The following WDR35 variants were observed in gnomAD, a reference collection of about 807,000 sequenced individuals.
WDR35 encodes WD repeat-containing protein 35.
A neutral mutation model predicts 158.3 loss-of-function variants in WDR35; 118 were observed. The ratio of observed to expected loss-of-function variants is 0.75; its 90% confidence interval spans 0.64 to 0.87. The LOEUF (loss-of-function observed/expected upper bound fraction) is 0.87. Among genes scored for constraint, WDR35 ranks in the 40% least tolerant of loss-of-function variants. WDR35 has a pLI of 0.00. For missense variants in WDR35, 1,263 were observed against 1,405.8 expected, an observed-to-expected ratio of 0.90 and a Z score of 1.62; for synonymous variants, 448 against 476.1, an observed-to-expected ratio of 0.94 and a Z score of 0.77.
In WDR35 at chr2:19,990,075, C is replaced by A; in HGVS notation, c.-60G>T. Reference sequence around the variant, plus strand: ...AGGCCCTCGACAAGTAACGGTTCTACGTCTCCAATCGGGAGTACCAGCAGC... The same window carrying A: ...AGGCCCTCGACAAGTAACGGTTCTAAGTCTCCAATCGGGAGTACCAGCAGC... On this transcript the variant is annotated 5_prime_UTR_variant, in exon 1 of 27. Transcript: ENST00000281405. The A allele has an allele frequency of 1.2e-6, 2 of 1,601,954 alleles. No individual in the cohort carries two copies. The highest frequency in any genetic ancestry group is 1.7e-6 in the Non-Finnish European group (2 of 1,173,758).
chr2:19,964,915 T>C (rs1241446673), intron 10 of WDR35, among the ~76,000 whole-genome samples: 1 of 152,074 alleles, frequency 6.6e-6, no homozygotes, highest in Non-Finnish European at 1.5e-5. Context: ...GTAATATTAA[T>C]GGTTCTTTCA....
At chr2:19,966,030 C>T (rs1471237690) in intron 10 of WDR35, among the ~76,000 whole-genome samples, 1 of 152,152 alleles carries the variant, frequency 6.6e-6, no homozygotes, top group Non-Finnish European at 1.5e-5. Flanking sequence ...TTTCTGGTCC[C>T]TATGGGCTTA....
At chr2:19,988,658 G>A (rs979760528) in intron 2 of WDR35, among the ~76,000 whole-genome samples, 1 of 152,178 alleles carries the variant, frequency 6.6e-6, no homozygotes, top group Non-Finnish European at 1.5e-5. Flanking sequence ...GTGGGAAGCT[G>A]TTTGCTGTGA....
At chr2:19,924,425 G>A (rs185503410) in intron 25 of WDR35, among the ~76,000 whole-genome samples, 12 of 152,250 alleles carry the variant, frequency 7.9e-5, no homozygotes, top group East Asian at 1.9e-4. Flanking sequence ...TTCGCCGGGT[G>A]TGGTGGCGGG....
At chr2:19,970,144 G>A (rs1186478396) in intron 8 of WDR35, among the ~76,000 whole-genome samples, 1 of 152,084 alleles carries the variant, frequency 6.6e-6, no homozygotes, top group Non-Finnish European at 1.5e-5. Flanking sequence ...AATCTAAAAT[G>A]CCATAGACTG....
chr2:19,930,727 T>A (rs757671688), intron 24 of WDR35, among the ~76,000 whole-genome samples, 175 bp from the exon 25 acceptor site: 4 of 152,176 alleles, frequency 2.6e-5, no homozygotes, highest in African/African-American at 7.2e-5. Context: ...CAAGCTGGAA[T>A]GCAGCTGCGT....
chr2:19,926,744 AAC>A (rs1288959592), intron 25 of WDR35, among the ~76,000 whole-genome samples: 2 of 152,252 alleles, frequency 1.3e-5, no homozygotes, highest in African/African-American at 2.4e-5. Flanking sequence ...GAGATCTGAT[AAC>A]AAAAAGTTGG....
At chr2:19,987,889 C>CATAT (rs199984409) in intron 2 of WDR35, among the ~76,000 whole-genome samples, 4 of 146,486 alleles carry the variant, frequency 2.7e-5, no homozygotes, top group African/African-American at 1.0e-4. Context: ...TACAGACACA[C>CATAT]ATATATATAT....
chr2:19,922,587 G>C (rs2103387587), intron 25 of WDR35, among the ~76,000 whole-genome samples: 1 of 152,042 alleles, frequency 6.6e-6, no homozygotes, highest in East Asian at 1.9e-4. Flanking sequence ...GGCTGGGGGA[G>C]GGATAGCATA....
In WDR35 at chr2:19,913,585, G is replaced by C. The variant is rs769945654; in HGVS notation, c.3486C>G (p.Cys1162Trp). The change falls in exon 27 of 27, where the codon TGC becomes TGG. Residue 1162 changes from cysteine (C) to tryptophan (W), a missense_variant. Transcript: ENST00000281405. ...ATCCCACTGGACTATGGCATAAGGGGCAGAAGCTGTAGTGGCTTATTTCCT... is the reference window on the plus strand; with the variant it reads ...ATCCCACTGGACTATGGCATAAGGGCCAGAAGCTGTAGTGGCTTATTTCCT... ...LAQEISHYSF[C>W]PLCHSPVG is the part of the protein sequence containing the mutation. 1 of 1,614,008 alleles carries C rather than the reference G, an allele frequency of 6.2e-7. No individual in the cohort carries two copies. The highest frequency in any genetic ancestry group is 8.5e-7 in the Non-Finnish European group (1 of 1,179,960).
chr2:19,982,562 G>A, intron 2 of WDR35, 28 bp from the exon 3 acceptor site: 1 of 1,605,882 alleles, frequency 6.2e-7, no homozygotes, highest in South Asian at 1.1e-5. Context: ...AAACTACTAT[G>A]ATAAATATGT....
At chr2:19,925,883 A>G (rs982718022) in intron 25 of WDR35, among the ~76,000 whole-genome samples, 2 of 152,246 alleles carry the variant, frequency 1.3e-5, no homozygotes, top group African/African-American at 4.8e-5. Context: ...AAAGATTAGG[A>G]TATCATTTTT....
At chr2:19,977,694 C>A (rs1672254679) in intron 5 of WDR35, among the ~76,000 whole-genome samples, 2 of 152,068 alleles carry the variant, frequency 1.3e-5, no homozygotes, top group South Asian at 4.1e-4. Context: ...TTTTCATTGG[C>A]CTCCCAAGTG....
Position 19,945,963 on chromosome 2 carries a change from C to T in WDR35, c.1668G>A (p.Leu556=), listed in dbSNP as rs1190451019. The T allele has an allele frequency of 6.2e-7, 1 of 1,613,732 alleles. No homozygotes were observed. Among genetic ancestry groups the T allele is most frequent in the African/African-American group, 1.3e-5 (1 of 74,888 alleles). ...RLAIIDISGV[L]TFFDLDARVT... Reference sequence around the variant, plus strand: ...CTCGAGCATCCAAGTCAAAGAAAGTCAGAACTCCTGAGATGTCTATGATAG... The same window carrying T: ...CTCGAGCATCCAAGTCAAAGAAAGTTAGAACTCCTGAGATGTCTATGATAG... Residue 556 remains leucine, a synonymous_variant, in exon 16 of 27, where the codon CTG becomes CTA. Transcript: ENST00000281405.
chr2:19,915,275 G>A (rs949703642), intron 25 of WDR35, among the ~76,000 whole-genome samples: 1 of 152,024 alleles, frequency 6.6e-6, no homozygotes, highest in Non-Finnish European at 1.5e-5. Flanking sequence ...AACTGGTTCT[G>A]GGGTCAAGTA....
At chr2:19,975,434 A>G in intron 6 of WDR35, 96 bp downstream of exon 6, 1 of 1,320,742 alleles carries the variant, frequency 7.6e-7, no homozygotes, top group Non-Finnish European at 1.0e-6. Context: ...AATTACACAA[A>G]CCGCCATAAA....
chr2:19,984,831 C>T (rs999590479), intron 2 of WDR35, among the ~76,000 whole-genome samples: 1 of 152,192 alleles, frequency 6.6e-6, no homozygotes, highest in African/African-American at 2.4e-5. Flanking sequence ...CTGTTACATG[C>T]TGCAAAATAA....
At position 19,989,171 on chromosome 2, in the gene WDR35, G is replaced by T; in HGVS notation, c.136C>A (p.Gln46Lys). 6.2e-7 allele frequency: 1 copy of T among 1,613,998 alleles called. No homozygotes were observed. Among genetic ancestry groups the T allele is most frequent in the Non-Finnish European group, 8.5e-7 (1 of 1,179,878 alleles). ...TGGGCTTGCATTCATTTACCTGTCTGCGTCTCTAATTTCAAAACTTTCAGT... is the reference window on the plus strand; with the variant it reads ...TGGGCTTGCATTCATTTACCTGTCTTCGTCTCTAATTTCAAAACTTTCAGT... ...GLLKVLKLET[Q>K]TDDAKLRGLA... The change falls in exon 2 of 27, where the codon CAG (glutamine) becomes AAG (lysine). Residue 46 changes from glutamine to lysine, a missense_variant. Gln to Lys is a moderately conservative substitution (Grantham distance 53). Coordinates refer to ENST00000281405, the MANE Select transcript of WDR35 (RefSeq NM_020779.4).
chr2:19,975,716 G>T (rs893728797), intron 5 of WDR35, 53 bp from the exon 6 acceptor site: 1 of 1,610,950 alleles, frequency 6.2e-7, no homozygotes, highest in Admixed American at 1.7e-5. Context: ...TCCAACAACG[G>T]CTTTCGAAAT....
Sources: gnomAD v4.1 joint callset for allele counts (sites outside exome capture counted in the v4.1 genomes callset) on GRCh38, gnomAD v4.1.1 for gene constraint, MANE v1.5 for transcripts, NCBI Gene and HGNC (gene_info 2026-07-23, HGNC 2026-07-21) for gene names.